The following SLC6A5 variants were observed in gnomAD, a reference collection of about 807,000 sequenced individuals.
SLC6A5 encodes solute carrier family 6 member 5, also known as sodium- and chloride-dependent glycine transporter 2.
Under a neutral mutation model 90.5 loss-of-function variants are expected in SLC6A5, and 58 were observed. The observed-to-expected ratio is 0.64, with a 90% CI of 0.52 to 0.80. SLC6A5 has a LOEUF of 0.80. SLC6A5 is among the 30% of genes least tolerant of loss of function. The pLI, the probability that SLC6A5 is intolerant of heterozygous loss-of-function variation, is 0.00. For synonymous variants in SLC6A5, 427 were observed against 401.4 expected, an observed-to-expected ratio of 1.06 and a Z score of -0.76; for missense variants, 1,015 against 1,017.6, an observed-to-expected ratio of 1.00 and a Z score of 0.03.
chr11:20,650,647 C>T (rs1388218047), intron 14 of SLC6A5, among the ~76,000 whole-genome samples: 1 of 142,588 alleles, frequency 7.0e-6, no homozygotes, highest in Non-Finnish European at 1.5e-5. Flanking sequence ...TTGGTGATGA[C>T]GCCTGTTCTT....
At position 20,607,533 on chromosome 11, in the gene SLC6A5, T is replaced by C; in HGVS notation, c.866T>C (p.Val289Ala). 5 of 1,614,178 alleles carry C rather than the reference T, an allele frequency of 3.1e-6. No individual in the cohort carries two copies. Among genetic ancestry groups the C allele is most frequent in the Non-Finnish European group, 4.2e-6 (5 of 1,180,008 alleles). ...ISVLIAIYYN[V>A]IICYTLFYLF... ...GTCCTAATAGCCATATACTACAATG[T>C]GATTATTTGCTATACACTTTTCTAC... is the stretch of plus-strand genomic sequence containing the variant. The change falls in exon 5 of 16, where the codon GTG becomes GCG. Residue 289 changes from valine to alanine, a missense_variant. This residue lies in a region of SLC6A5 where 567 missense variants were observed against 507.3 expected (regional missense o/e 1.12). Coordinates refer to ENST00000525748, the MANE Select transcript of SLC6A5 (RefSeq NM_004211.5).
intron 5 of SLC6A5, among the ~76,000 whole-genome samples, chr11:20,609,409 T>A (rs1443326765): frequency 1.3e-5 from 2 of 152,080 alleles, no homozygotes. Flanking sequence ...CGCCAGGCTA[T>A]CCCTTGCAGG....
chr11:20,652,489 C>T (rs773786453), intron 15 of SLC6A5, 33 bp downstream of exon 15: 14 of 1,592,766 alleles, frequency 8.8e-6, no homozygotes, highest in Admixed American at 1.7e-5. Flanking sequence ...CTCCCAATTC[C>T]TCCCAAGGGA....
At chr11:20,628,126 G>A (rs754277984) in intron 9 of SLC6A5, 43 bp downstream of exon 9, 2 of 1,448,904 alleles carry the variant, frequency 1.4e-6, no homozygotes, top group African/African-American at 1.4e-5. Flanking sequence ...CTGGTGAGTG[G>A]GACAGAAGAA....
chr11:20,604,502 G>A, intron 3 of SLC6A5, 78 bp downstream of exon 3: 1 of 1,560,052 alleles, frequency 6.4e-7, no homozygotes, highest in Non-Finnish European at 8.7e-7. Context: ...GAGCCCTCAG[G>A]CAGGGCCGCC....
At chr11:20,643,359 G>A (rs1853350745) in intron 13 of SLC6A5, among the ~76,000 whole-genome samples, 1 of 151,974 alleles carries the variant, frequency 6.6e-6, no homozygotes, top group Non-Finnish European at 1.5e-5. Context: ...AGTGATCAGA[G>A]GCCACTCATT....
Position 20,653,325 on chromosome 11 carries a change from A to G in SLC6A5, c.2238+869A>G, listed in dbSNP as rs572327572. 1.7e-3 allele frequency among the ~76,000 whole-genome samples: 252 copies of G among 152,324 alleles called. 1 individual carries two copies. The highest frequency in any genetic ancestry group is 2.9e-3 in the Non-Finnish European group (196 of 68,018). On this transcript the variant is annotated intron_variant, in intron 15 of 15. Transcript: ENST00000525748. ...ATCAGAATCCAGGCAGAAGACTCCT[A>G]CTGAACCAGAGTCTTGGGGAAATGG...
At chr11:20,651,746 A>G (rs185102234) in intron 14 of SLC6A5, among the ~76,000 whole-genome samples, 1 of 152,064 alleles carries the variant, frequency 6.6e-6, no homozygotes, top group Admixed American at 6.5e-5. Flanking sequence ...TGTCTCTACT[A>G]AAAATACAAA....
chr11:20,624,344 G>T (rs1005787222), intron 7 of SLC6A5, among the ~76,000 whole-genome samples: 3 of 151,872 alleles, frequency 2.0e-5, no homozygotes, highest in African/African-American at 2.4e-5. Flanking sequence ...GTGGAGATGG[G>T]GTTTCACTAT....
At chr11:20,600,416 A>C (rs1852446941) in intron 1 of SLC6A5, among the ~76,000 whole-genome samples, 1 of 149,990 alleles carries the variant, frequency 6.7e-6, no homozygotes, top group Admixed American at 6.6e-5. Context: ...AAGAAGACCT[A>C]AACAAAAGAA....
chr11:20,612,182 T>C (rs1403669291), intron 5 of SLC6A5, among the ~76,000 whole-genome samples: 2 of 152,226 alleles, frequency 1.3e-5, no homozygotes, highest in African/African-American at 2.4e-5. Flanking sequence ...AGGCAATTTA[T>C]GGCAGGCAAG....
chr11:20,604,844 T>C (rs1321660571), intron 3 of SLC6A5, among the ~76,000 whole-genome samples: 1 of 152,092 alleles, frequency 6.6e-6, no homozygotes, highest in South Asian at 2.1e-4. Context: ...GGGGACTCCT[T>C]AGGAGATCTA....
intron 9 of SLC6A5, among the ~76,000 whole-genome samples, 183 bp from the exon 10 acceptor site, chr11:20,630,508 C>T (rs953260221): frequency 6.6e-6 from 1 of 152,210 alleles, no homozygotes; most frequent in East Asian, 1.9e-4. Flanking sequence ...TAGGGGATAT[C>T]GTCTGAGCCT....
At chr11:20,630,985 T>C (rs906243108) in intron 10 of SLC6A5, among the ~76,000 whole-genome samples, 170 bp downstream of exon 10, 1 of 152,230 alleles carries the variant, frequency 6.6e-6, no homozygotes, top group South Asian at 2.1e-4. Flanking sequence ...GGAAGCTCAC[T>C]GCAGAGTCAG....
chr11:20,640,333 G>T (rs929683122), intron 13 of SLC6A5, among the ~76,000 whole-genome samples: 1 of 152,190 alleles, frequency 6.6e-6, no homozygotes, highest in Non-Finnish European at 1.5e-5. Flanking sequence ...GTTCAGGATG[G>T]TTTAAAACAT....
Position 20,630,698 on chromosome 11 carries a change from C to G in SLC6A5, c.1507C>G (p.Leu503Val), listed in dbSNP as rs976204065. 2.5e-6 allele frequency: 4 copies of G among 1,614,240 alleles called. No homozygotes were observed. The highest frequency in any genetic ancestry group is 4.5e-5 in the East Asian group (2 of 44,884). Reference protein sequence around the residue: ...KFHNNCYRDTLIVTCTNSATS... With the variant: ...KFHNNCYRDTVIVTCTNSATS... ...CTGGTCTCTTCCTTCCAGGGACACT[C>G]TAATTGTCACCTGCACCAACAGTGC... The change falls in exon 10 of 16, where the codon CTA becomes GTA. Residue 503 changes from leucine to valine, a missense_variant. Around this residue, in one of 3 missense-constraint regions of SLC6A5, gnomAD observed 442 missense variants for 494.3 expected, o/e 0.89. Transcript: ENST00000525748.
At chr11:20,648,072 A>G (rs564351782) in intron 14 of SLC6A5, among the ~76,000 whole-genome samples, 1 of 152,278 alleles carries the variant, frequency 6.6e-6, no homozygotes, top group South Asian at 2.1e-4. Flanking sequence ...AAACACAGCA[A>G]TTGACAGAGA....
intron 15 of SLC6A5, among the ~76,000 whole-genome samples, chr11:20,652,753 C>A (rs1176794754): frequency 6.6e-6 from 1 of 152,188 alleles, no homozygotes; most frequent in Non-Finnish European, 1.5e-5. Flanking sequence ...CTCTTCCTCT[C>A]CCCTTATCCA....
chr11:20,608,552 G>C (rs900860511), intron 5 of SLC6A5, among the ~76,000 whole-genome samples: 6 of 152,240 alleles, frequency 3.9e-5, no homozygotes, highest in African/African-American at 1.4e-4. Flanking sequence ...AATGAGGAGT[G>C]TGATACAGTT....
Sources: allele counts gnomAD v4.1 joint callset (sites outside exome capture counted in the v4.1 genomes callset), GRCh38; gene constraint gnomAD v4.1.1; regional missense constraint gnomAD v4.1.1; transcripts MANE v1.5; gene names NCBI Gene and HGNC (gene_info 2026-07-23, HGNC 2026-07-21).